ITGB5: variants seen among roughly 807,000 people sequenced by gnomAD.
ITGB5 encodes the protein integrin subunit beta 5.
A neutral mutation model predicts 84.8 loss-of-function variants in ITGB5; 38 were observed. The observed-to-expected ratio is 0.45, with a 90% CI of 0.35 to 0.59. The LOEUF is 0.59. ITGB5 is among the 20% of genes least tolerant of loss of function. The probability of loss-of-function intolerance (pLI) is 0.01; values close to 1 mark genes in which losing one functional copy is unlikely to be tolerated. For missense variants in ITGB5, 905 were observed against 1,034.5 expected (o/e 0.87, Z 1.72); for synonymous variants, 393 against 414.4 (o/e 0.95, Z 0.63).
At chr3:124,865,979 A>C (rs2065383317) in intron 2 of ITGB5, among the ~76,000 whole-genome samples, 1 of 151,852 alleles carries the variant, frequency 6.6e-6, no homozygotes, top group Non-Finnish European at 1.5e-5. Context: ...ATATGTTAAC[A>C]CCTGACTCCA....
intron 5 of ITGB5, among the ~76,000 whole-genome samples, chr3:124,826,651 C>T (rs375358984): frequency 2.6e-5 from 4 of 152,144 alleles, no homozygotes; most frequent in Admixed American, 2.6e-4. Context: ...TGCCCACATT[C>T]GTATACAGAG....
chr3:124,851,520 A>G (rs1374770084), intron 3 of ITGB5, among the ~76,000 whole-genome samples: 1 of 152,082 alleles, frequency 6.6e-6, no homozygotes, highest in Admixed American at 6.5e-5. Flanking sequence ...GGCATGATAT[A>G]TAGGTCCCTT....
intron 10 of ITGB5, chr3:124,780,754 C>G (rs2063993106): frequency 6.7e-6 from 1 of 148,680 alleles, no homozygotes; most frequent in Non-Finnish European, 1.5e-5. Flanking sequence ...CCCCAGGGAA[C>G]CCTCCCCTCT....
At chr3:124,863,810 G>C (rs1313667163) in intron 2 of ITGB5, among the ~76,000 whole-genome samples, 1 of 151,918 alleles carries the variant, frequency 6.6e-6, no homozygotes, top group African/African-American at 2.4e-5. Flanking sequence ...CACAACACCT[G>C]GCCTAGATAT....
chr3:124,809,262 TC>T, intron 8 of ITGB5, 106 bp from the exon 9 acceptor site: 1 of 1,242,290 alleles, frequency 8.0e-7, no homozygotes, highest in Non-Finnish European at 1.1e-6. Flanking sequence ...AACTCAGGAA[TC>T]CCAAGCCAAA....
chr3:124,782,243 A>T (rs2064015931), intron 10 of ITGB5, among the ~76,000 whole-genome samples: 3 of 152,248 alleles, frequency 2.0e-5, no homozygotes, highest in Admixed American at 2.0e-4. Flanking sequence ...GGCACAGAGA[A>T]GCCAAGTAAC....
chr3:124,886,326 C>G (rs1271755395), intron 1 of ITGB5, among the ~76,000 whole-genome samples: 1 of 119,156 alleles, frequency 8.4e-6, no homozygotes, highest in Non-Finnish European at 1.7e-5. Flanking sequence ...GTGGCCTAGG[C>G]GAGGAGGAAG....
intron 5 of ITGB5, among the ~76,000 whole-genome samples, chr3:124,822,366 T>C (rs1307761201): frequency 6.6e-6 from 1 of 152,226 alleles, no homozygotes; most frequent in Admixed American, 6.5e-5. Context: ...ATTTAAACAC[T>C]GCTGAGAGTC....
intron 1 of ITGB5, among the ~76,000 whole-genome samples, chr3:124,899,853 CAAAAAAAAA>C (rs60859904): frequency 6.6e-3 from 230 of 34,992 alleles, no homozygotes; most frequent in African/African-American, 0.033. Flanking sequence ...GACCCTGTCT[CAAAAAAAAA>C]AAAAAAAAAA....
At chr3:124,876,935 GTTTTC>G (rs200024716) in intron 1 of ITGB5, among the ~76,000 whole-genome samples, 2,542 of 151,812 alleles carry the variant, frequency 0.017, 34 homozygotes, top group South Asian at 0.041. Flanking sequence ...CACTCAGTGA[GTTTTC>G]TTTTCTTTTC....
At chr3:124,859,527 A>C in intron 2 of ITGB5, 81 bp from the exon 3 acceptor site, 1 of 1,079,802 alleles carries the variant, frequency 9.3e-7, no homozygotes, top group Non-Finnish European at 1.4e-6. Flanking sequence ...CTGCGTCTCC[A>C]TCTGGTTGAC....
intron 10 of ITGB5, among the ~76,000 whole-genome samples, chr3:124,780,890 C>T (rs1179239642): frequency 3.3e-5 from 5 of 152,114 alleles, no homozygotes; most frequent in Non-Finnish European, 7.4e-5. Flanking sequence ...GAGGTAATTT[C>T]CCTATCATCA....
chr3:124,858,595 T>G (rs1358064939), intron 3 of ITGB5, among the ~76,000 whole-genome samples: 2 of 152,162 alleles, frequency 1.3e-5, no homozygotes, highest in Non-Finnish European at 2.9e-5. Context: ...CCAAAATATG[T>G]GTGAAACTTG....
intron 1 of ITGB5, among the ~76,000 whole-genome samples, 170 bp downstream of exon 1, chr3:124,886,761 C>G (rs573865849): frequency 4.6e-5 from 7 of 151,592 alleles, no homozygotes; most frequent in Admixed American, 1.3e-4. Flanking sequence ...CGGGGCTGCG[C>G]GCGGGGAGCG....
intron 5 of ITGB5, among the ~76,000 whole-genome samples, chr3:124,837,031 T>C (rs142714579): frequency 1.6e-3 from 242 of 152,308 alleles, no homozygotes; most frequent in African/African-American, 5.6e-3. Flanking sequence ...ATTTATTTTC[T>C]GGCTGACGAA....
chr3:124,775,516 T>G (rs11710274), intron 10 of ITGB5, among the ~76,000 whole-genome samples: 15,524 of 152,206 alleles, frequency 0.1, 1,358 homozygotes, highest in African/African-American at 0.23. Flanking sequence ...CTCCATTTTC[T>G]ACACAATCAG....
intron 9 of ITGB5, among the ~76,000 whole-genome samples, chr3:124,805,286 G>A (rs2064382754): frequency 6.6e-6 from 1 of 151,810 alleles, no homozygotes; most frequent in Non-Finnish European, 1.5e-5. Flanking sequence ...GGGACCACAG[G>A]TGCTCTCCAC....
chr3:124,873,915 G>C (rs1317758606), intron 1 of ITGB5, among the ~76,000 whole-genome samples: 1 of 151,728 alleles, frequency 6.6e-6, no homozygotes, highest in East Asian at 1.9e-4. Context: ...TTTTATTCAA[G>C]AATTTTTTTA....
chr3:124,865,822 T>A (rs926510191), intron 2 of ITGB5, among the ~76,000 whole-genome samples: 1 of 151,794 alleles, frequency 6.6e-6, no homozygotes, highest in Non-Finnish European at 1.5e-5. Flanking sequence ...GGTAATAATA[T>A]AAAAGAGAAA....
Sources: allele counts gnomAD v4.1 joint callset (sites outside exome capture counted in the v4.1 genomes callset), GRCh38; gene constraint gnomAD v4.1.1; transcripts MANE v1.5; gene names NCBI Gene and HGNC (gene_info 2026-07-23, HGNC 2026-07-21).